Variants in RNF32 observed in about 807,000 individuals in gnomAD.
RNF32 encodes the protein ring finger protein 32.
RNF32 carries 36 observed loss-of-function variants against 41.0 expected under a neutral mutation model. That is an observed-to-expected ratio of 0.88 (90% CI 0.67 to 1.16). The LOEUF (loss-of-function observed/expected upper bound fraction) is 1.16. Ranked by LOEUF, RNF32 falls within the 50% of genes most tolerant of loss-of-function variation. The pLI is 0.00. For missense variants in RNF32, 413 were observed against 436.7 expected (o/e 0.95, Z 0.48); for synonymous variants, 154 against 160.9 (o/e 0.96, Z 0.32).
chr7:156,652,127 T>C (rs1474849977), intron 3 of RNF32, among the ~76,000 whole-genome samples: 1 of 152,228 alleles, frequency 6.6e-6, no homozygotes, highest in African/African-American at 2.4e-5. Flanking sequence ...TCACATTTGA[T>C]TGATAGCTAA....
intron 7 of RNF32, chr7:156,658,951 A>T: frequency 1.3e-6 from 2 of 1,520,812 alleles, no homozygotes; most frequent in South Asian, 2.6e-5. Context: ...AGTAATGAAA[A>T]TAGAAGCTGC....
chr7:156,663,321 ATG>A (rs893797477), intron 7 of RNF32, among the ~76,000 whole-genome samples: 3 of 152,202 alleles, frequency 2.0e-5, no homozygotes, highest in Admixed American at 2.0e-4. Flanking sequence ...AACAAAATAT[ATG>A]TGTGTGCACA....
At chr7:156,675,070 G>A (rs58315995) in intron 7 of RNF32, among the ~76,000 whole-genome samples, 15,918 of 152,270 alleles carry the variant, frequency 0.1, 1,616 homozygotes, top group African/African-American at 0.27. Context: ...GTCCCATGTG[G>A]TATGGAAGCC....
In RNF32 at chr7:156,644,699, A is replaced by T. The variant is rs754480695; in HGVS notation, c.216A>T (p.Lys72Asn). Residue 72 changes from lysine to asparagine, a missense_variant, in exon 3 of 9, where the codon AAA becomes AAT. Transcript: ENST00000317955. ...TGLKKTTQCP[K>N]LEDSEKEYVL... is the part of the protein sequence containing the mutation. ...TTAAAAAAACTACACAGTGCCCCAA[A>T]CTAGAAGACTCAGAAAAAGAATATG... 6.2e-7 allele frequency: 1 copy of T among 1,612,622 alleles called. No individual in the cohort carries two copies. The highest frequency in any genetic ancestry group is 8.5e-7 in the Non-Finnish European group (1 of 1,179,760).
chr7:156,653,636 G>A (rs1259702755), intron 3 of RNF32, among the ~76,000 whole-genome samples: 1 of 152,226 alleles, frequency 6.6e-6, no homozygotes, highest in Non-Finnish European at 1.5e-5. Flanking sequence ...TCTTTGGGGT[G>A]CGGGGAGGTG....
At chr7:156,659,561 G>A in intron 7 of RNF32, 1 of 979,312 alleles carries the variant, frequency 1.0e-6, no homozygotes. Flanking sequence ...TAAATCAGAA[G>A]TGATTTTTTG....
upstream of RNF32, chr7:156,640,319 G>GGGGCCC (rs1797109566): frequency 4.4e-6 from 2 of 451,038 alleles, no homozygotes; most frequent in African/African-American, 2.0e-5. Context: ...GGAAACAACC[G>GGGGCCC]GGGCCCAGGC....
chr7:156,674,548 G>A (rs548633246), intron 7 of RNF32, among the ~76,000 whole-genome samples: 187 of 152,272 alleles, frequency 1.2e-3, no homozygotes, highest in African/African-American at 4.2e-3. Flanking sequence ...AGATGACACT[G>A]GTGGCCACTC....
At chr7:156,646,431 T>C in intron 3 of RNF32, 3 of 1,303,888 alleles carry the variant, frequency 2.3e-6, no homozygotes, top group Non-Finnish European at 2.0e-6. Flanking sequence ...GTGATTGTAC[T>C]CTCCCTTTCC....
intron 7 of RNF32, among the ~76,000 whole-genome samples, chr7:156,673,792 C>G (rs552972969): frequency 6.6e-6 from 1 of 152,096 alleles, no homozygotes; most frequent in South Asian, 2.1e-4. Context: ...CGCTGTCTCA[C>G]GATCTTTTTG....
At chr7:156,647,315 T>G (rs2131364675) in intron 3 of RNF32, among the ~76,000 whole-genome samples, 1 of 152,280 alleles carries the variant, frequency 6.6e-6, no homozygotes, top group Non-Finnish European at 1.5e-5. Context: ...GCCTACCCTG[T>G]ACCTAACGTG....
At chr7:156,649,242 T>TA (rs1798382737) in intron 3 of RNF32, among the ~76,000 whole-genome samples, 1 of 152,244 alleles carries the variant, frequency 6.6e-6, no homozygotes, top group Non-Finnish European at 1.5e-5. Context: ...ATCGGGGAAA[T>TA]ACTGTATTTA....
chr7:156,663,521 A>C (rs1205554030), intron 7 of RNF32, among the ~76,000 whole-genome samples: 1 of 152,096 alleles, frequency 6.6e-6, no homozygotes, highest in Non-Finnish European at 1.5e-5. Context: ...ATGTCCACTT[A>C]CTTTATATAA....
At chr7:156,656,611 G>C (rs1006255806) in intron 4 of RNF32, among the ~76,000 whole-genome samples, 2 of 152,228 alleles carry the variant, frequency 1.3e-5, no homozygotes, top group African/African-American at 4.8e-5. Context: ...CATACATTGA[G>C]TGAAGGCAGG....
intron 4 of RNF32, 85 bp downstream of exon 4, chr7:156,654,803 C>T: frequency 7.6e-7 from 1 of 1,323,784 alleles, no homozygotes; most frequent in Non-Finnish European, 1.1e-6. Flanking sequence ...AGATTCCAAG[C>T]TTCCTTTTTC....
At chr7:156,676,164 A>G (rs1157149238) in intron 8 of RNF32, 3 of 1,144,006 alleles carry the variant, frequency 2.6e-6, no homozygotes, top group Non-Finnish European at 3.6e-6. Flanking sequence ...AAATTCTGGA[A>G]GTTCCTGTTG....
At chr7:156,674,624 T>C (rs77575000) in intron 7 of RNF32, among the ~76,000 whole-genome samples, 2,707 of 152,216 alleles carry the variant, frequency 0.018, 84 homozygotes, top group African/African-American at 0.062. Flanking sequence ...TGAGTGAGCA[T>C]TGATGGCCCC....
At chr7:156,675,637 T>G (rs1209965174) in intron 7 of RNF32, 59 bp from the exon 8 acceptor site, 39 of 1,499,518 alleles carry the variant, frequency 2.6e-5, no homozygotes, top group East Asian at 2.3e-4. Context: ...TCGAGAGCGC[T>G]TCCCTGCAAC....
chr7:156,654,891 C>A, intron 4 of RNF32, 173 bp downstream of exon 4: 1 of 544,638 alleles, frequency 1.8e-6, no homozygotes, highest in Non-Finnish European at 3.3e-6. Flanking sequence ...GAGCTAAACA[C>A]CCTCATTAAA....
Sources: gnomAD v4.1 joint callset for allele counts (sites outside exome capture counted in the v4.1 genomes callset) on GRCh38, gnomAD v4.1.1 for gene constraint, MANE v1.5 for transcripts, NCBI Gene and HGNC (gene_info 2026-07-23, HGNC 2026-07-21) for gene names.